Variants in NRXN3 observed in about 807,000 individuals in gnomAD.
The protein encoded by NRXN3 is neurexin 3, also known as neurexin III.
In NRXN3, 32 loss-of-function variants were observed where a neutral mutation model predicts 137.6. That is an observed-to-expected ratio of 0.23 (90% CI 0.18 to 0.31). The LOEUF (loss-of-function observed/expected upper bound fraction) is 0.31. Among genes scored for constraint, NRXN3 ranks in the 10% least tolerant of loss-of-function variants. NRXN3 has a pLI of 1.00. For synonymous variants in NRXN3, 798 were observed against 784.5 expected, an observed-to-expected ratio of 1.02 and a Z score of -0.29; for missense variants, 1,574 against 2,062.5, an observed-to-expected ratio of 0.76 and a Z score of 4.59.
chr14:78,671,495 G>T (rs940841902), intron 6 of NRXN3, among the ~76,000 whole-genome samples: 1 of 152,050 alleles, frequency 6.6e-6, no homozygotes, highest in African/African-American at 2.4e-5. Context: ...GGGATCAATT[G>T]TACCCCAAAC....
chr14:78,710,618 T>C (rs2098399012), intron 7 of NRXN3, among the ~76,000 whole-genome samples: 1 of 152,218 alleles, frequency 6.6e-6, no homozygotes, highest in South Asian at 2.1e-4. Flanking sequence ...CTGATGAACA[T>C]TAAAAAGTCT....
chr14:78,871,034 A>G (rs763882763), intron 10 of NRXN3, among the ~76,000 whole-genome samples: 8 of 149,488 alleles, frequency 5.4e-5, no homozygotes, highest in Non-Finnish European at 1.2e-4. Flanking sequence ...GGGAGTGCAG[A>G]TATCTCTTTG....
intron 4 of NRXN3, among the ~76,000 whole-genome samples, chr14:78,571,241 G>A (rs2096886644): frequency 6.6e-6 from 1 of 152,182 alleles, no homozygotes; most frequent in Non-Finnish European, 1.5e-5. Context: ...CCACTCTCTG[G>A]AGCATGGATT....
intron 4 of NRXN3, among the ~76,000 whole-genome samples, chr14:78,492,725 A>G (rs1443192993): frequency 6.6e-6 from 1 of 152,180 alleles, no homozygotes; most frequent in East Asian, 1.9e-4. Flanking sequence ...ATTAAGTAAC[A>G]TAGATAGCAG....
chr14:79,129,128 G>A (rs1178785250), intron 15 of NRXN3, among the ~76,000 whole-genome samples: 1 of 152,078 alleles, frequency 6.6e-6, no homozygotes, highest in Non-Finnish European at 1.5e-5. Context: ...CAAAAAACGA[G>A]CTCCTGGATT....
intron 10 of NRXN3, among the ~76,000 whole-genome samples, chr14:78,847,021 C>T (rs1176770165): frequency 6.6e-6 from 1 of 152,074 alleles, no homozygotes; most frequent in African/African-American, 2.4e-5. Flanking sequence ...CCATACAGTG[C>T]ACATGTGGTC....
rs397954192 is a variant in NRXN3, at chr14:79,527,293, C to CAAAA, written c.3444+59911_3444+59914dup. 7.0e-4 allele frequency among the ~76,000 whole-genome samples: 41 copies of CAAAA among 58,618 alleles called. 2 individuals are homozygous for CAAAA. Among genetic ancestry groups the CAAAA allele is most frequent in the Admixed American group, 1.6e-3 (6 of 3,792 alleles). 38.5% of individuals were successfully genotyped at this position (58,618 alleles called of 152,430 possible). ...TGGGCGACAGAGTGAGACTCTGTCTCAAAAAAAAAAAAAAAAAAAAAAAGA... is the reference window on the plus strand; with the variant it reads ...TGGGCGACAGAGTGAGACTCTGTCTCAAAAAAAAAAAAAAAAAAAAAAAAAAAGA... On this transcript the variant is annotated intron_variant, in intron 16 of 20. Coordinates refer to ENST00000335750, the MANE Select transcript of NRXN3 (RefSeq NM_001330195.2).
chr14:79,231,493 G>C (rs1053756616), intron 15 of NRXN3, among the ~76,000 whole-genome samples: 2 of 152,130 alleles, frequency 1.3e-5, no homozygotes, highest in African/African-American at 4.8e-5. Context: ...TGGTGTAAAA[G>C]TGTCTTCCTG....
At chr14:78,669,877 A>G (rs2097919094) in intron 6 of NRXN3, among the ~76,000 whole-genome samples, 1 of 151,918 alleles carries the variant, frequency 6.6e-6, no homozygotes, top group African/African-American at 2.4e-5. Context: ...ATTTTTTATT[A>G]TACTGTAAGT....
At chr14:78,456,799 C>CTTTCTTTCTTTCTT (rs1177466177) in intron 4 of NRXN3, among the ~76,000 whole-genome samples, 6 of 97,690 alleles carry the variant, frequency 6.1e-5, no homozygotes, top group African/African-American at 1.1e-4. Context: ...CTCTCTTTCT[C>CTTTCTTTCTTTCTT]TCTTTCTTTC....
intron 16 of NRXN3, among the ~76,000 whole-genome samples, chr14:79,659,684 C>T (rs1245208818): frequency 6.6e-6 from 1 of 151,646 alleles, no homozygotes; most frequent in East Asian, 2.0e-4. Flanking sequence ...TCTCCTATAA[C>T]CCTCACAGCA....
chr14:79,797,664 A>G (rs998740074), intron 19 of NRXN3, among the ~76,000 whole-genome samples: 3 of 152,228 alleles, frequency 2.0e-5, no homozygotes, highest in Non-Finnish European at 4.4e-5. Flanking sequence ...TGACAGTCAT[A>G]CAATCTTACC....
intron 14 of NRXN3, among the ~76,000 whole-genome samples, chr14:78,976,462 G>A (rs949300598): frequency 6.6e-6 from 1 of 152,018 alleles, no homozygotes; most frequent in Admixed American, 6.6e-5. Context: ...ATTCTTTAAA[G>A]GCATTTTAGA....
At chr14:78,803,547 C>G (rs1354232238) in intron 8 of NRXN3, 73 bp from the exon 9 acceptor site, 2 of 1,410,816 alleles carry the variant, frequency 1.4e-6, no homozygotes, top group Admixed American at 1.7e-5. Context: ...ACTCGCTTAG[C>G]CTGAAAGCAA....
At chr14:79,432,168 G>A (rs573754039) in intron 15 of NRXN3, among the ~76,000 whole-genome samples, 7 of 151,998 alleles carry the variant, frequency 4.6e-5, no homozygotes, top group African/African-American at 1.7e-4. Context: ...CTAAATATGT[G>A]TCTTTAATTC....
At chr14:78,330,244 G>A (rs1401071531) in intron 4 of NRXN3, among the ~76,000 whole-genome samples, 1 of 152,150 alleles carries the variant, frequency 6.6e-6, no homozygotes, top group Non-Finnish European at 1.5e-5. Context: ...TGACCTAGAT[G>A]TCAGCTGCAG....
chr14:78,490,952 C>T (rs917093324), intron 4 of NRXN3, among the ~76,000 whole-genome samples: 3 of 152,056 alleles, frequency 2.0e-5, no homozygotes, highest in African/African-American at 7.3e-5. Context: ...CTCCCTTTGC[C>T]GGTCTACCAT....
At chr14:79,743,756 C>G (rs2098970458) in intron 19 of NRXN3, among the ~76,000 whole-genome samples, 1 of 152,082 alleles carries the variant, frequency 6.6e-6, no homozygotes, top group Non-Finnish European at 1.5e-5. Flanking sequence ...CAGGTGTATA[C>G]AAGTGTACAG....
intron 15 of NRXN3, among the ~76,000 whole-genome samples, chr14:79,406,468 AT>A (rs1257035298): frequency 6.6e-6 from 1 of 150,944 alleles, no homozygotes; most frequent in Non-Finnish European, 1.5e-5. Context: ...TGCCTGGCTA[AT>A]TTTTTTTTCT....
Sources: allele counts gnomAD v4.1 joint callset (sites outside exome capture counted in the v4.1 genomes callset), GRCh38; gene constraint gnomAD v4.1.1; transcripts MANE v1.5; gene names NCBI Gene and HGNC (gene_info 2026-07-23, HGNC 2026-07-21).